Variants in TRAK2 observed in about 807,000 individuals in gnomAD.
TRAK2 encodes trafficking kinesin protein 2, also known as trafficking kinesin-binding protein 2.
TRAK2 carries 81 observed loss-of-function variants against 104.6 expected under a neutral mutation model. The observed-to-expected ratio is 0.77, with a 90% CI of 0.65 to 0.93. The LOEUF is 0.93. Among genes scored for constraint, TRAK2 ranks in the 40% least tolerant of loss-of-function variants. The pLI, the probability that TRAK2 is intolerant of heterozygous loss-of-function variation, is 0.00. For synonymous variants in TRAK2, 406 were observed against 394.4 expected (o/e 1.03, Z -0.35); for missense variants, 1,002 against 1,089.0 (o/e 0.92, Z 1.12).
intron 5 of TRAK2, 72 bp from the exon 6 acceptor site, chr2:201,398,426 A>T: frequency 7.5e-7 from 1 of 1,328,422 alleles, no homozygotes; most frequent in Non-Finnish European, 1.0e-6. Flanking sequence ...CTTCTAATTC[A>T]TGGAACAATT....
intron 6 of TRAK2, chr2:201,397,801 G>T (rs1951515315): frequency 1.8e-6 from 1 of 553,494 alleles, no homozygotes; most frequent in African/African-American, 1.9e-5. Flanking sequence ...CAAGTTCACA[G>T]AATATTGTGA....
intron 5 of TRAK2, among the ~76,000 whole-genome samples, chr2:201,398,620 T>G (rs1297585582): frequency 6.6e-6 from 1 of 152,116 alleles, no homozygotes; most frequent in Non-Finnish European, 1.5e-5. Context: ...TTATTGTATA[T>G]ATATGATAGG....
chr2:201,440,490 G>A (rs1370877636), intron 1 of TRAK2, among the ~76,000 whole-genome samples: 9 of 151,964 alleles, frequency 5.9e-5, no homozygotes, highest in African/African-American at 2.2e-4. Context: ...CTCCTCCTTT[G>A]GCACTGTCAG....
chr2:201,387,614 TC>T, intron 13 of TRAK2, 88 bp downstream of exon 13: 1 of 1,313,346 alleles, frequency 7.6e-7, no homozygotes. Context: ...CACATAATGT[TC>T]CTATAATTAA....
chr2:201,398,259 AG>A lies in TRAK2; in HGVS notation c.575del (p.Ser192LeufsTer43). The A allele has an allele frequency of 1.2e-6, 2 of 1,613,832 alleles. No individual in the cohort carries two copies. Among genetic ancestry groups the A allele is most frequent in the Non-Finnish European group, 1.7e-6 (2 of 1,179,764 alleles). On this transcript the variant is annotated frameshift_variant, in exon 6 of 16. Coordinates refer to ENST00000332624, the MANE Select transcript of TRAK2 (RefSeq NM_015049.3). LOFTEE classifies it high-confidence loss of function. ...SEESETDSSC[S>X]TPLRFNESFS... ...AGGACTCATTGAACCGAAGAGGTGTAGAACAGCTGGAATCAGTTTCACTTTC... is the reference window on the plus strand; with the variant it reads ...AGGACTCATTGAACCGAAGAGGTGTAAACAGCTGGAATCAGTTTCACTTTC...
chr2:201,438,104 A>G (rs957953126), intron 1 of TRAK2, among the ~76,000 whole-genome samples: 1 of 152,232 alleles, frequency 6.6e-6, no homozygotes, highest in African/African-American at 2.4e-5. Flanking sequence ...AGGAGACACC[A>G]CTACCCTGTG....
At chr2:201,384,088 C>T (rs758436675) in intron 15 of TRAK2, 23 bp downstream of exon 15, 1 of 1,490,222 alleles carries the variant, frequency 6.7e-7, no homozygotes, top group Non-Finnish European at 9.2e-7. Flanking sequence ...AAGTGAGGCC[C>T]CAGATTTCCC....
At position 201,387,916 on chromosome 2, in the gene TRAK2, T is replaced by A. The variant is rs371231916; in HGVS notation, c.1483A>T (p.Asn495Tyr). The stretch of plus-strand genomic sequence containing the variant: ...AAGAACTGCTTCTCACTTAAATAGT[T>A]TTGTCGACGCAAGCTAAGGCGATGC... ...ALHRLSLRRQ[N>Y]YLSEKQFFAE... The change falls in exon 13 of 16, where the codon AAC (asparagine) becomes TAC (tyrosine). Residue 495 changes from asparagine (N) to tyrosine (Y), a missense_variant. Coordinates refer to ENST00000332624, the MANE Select transcript of TRAK2 (RefSeq NM_015049.3). The A allele has an allele frequency of 1.1e-5, 18 of 1,613,996 alleles. No individual in the cohort carries two copies. The highest frequency in any genetic ancestry group is 6.7e-5 in the Admixed American group (4 of 59,998).
chr2:201,390,990 C>T (rs1951443354), intron 10 of TRAK2, among the ~76,000 whole-genome samples: 1 of 151,728 alleles, frequency 6.6e-6, no homozygotes, highest in African/African-American at 2.4e-5. Context: ...TATATATACA[C>T]ATATATAGTA....
At chr2:201,428,301 G>A (rs1951808124) in intron 1 of TRAK2, among the ~76,000 whole-genome samples, 1 of 152,126 alleles carries the variant, frequency 6.6e-6, no homozygotes, top group East Asian at 1.9e-4. Context: ...TATGGTTTTA[G>A]GTCTAACATT....
chr2:201,432,115 A>C (rs1951847106), intron 1 of TRAK2, among the ~76,000 whole-genome samples: 1 of 152,232 alleles, frequency 6.6e-6, no homozygotes, highest in South Asian at 2.1e-4. Context: ...TGTTGGGCAC[A>C]ATCTACGGCC....
intron 1 of TRAK2, among the ~76,000 whole-genome samples, chr2:201,437,709 G>A (rs551119797): frequency 1.8e-4 from 23 of 127,080 alleles, no homozygotes; most frequent in African/African-American, 4.4e-4. Flanking sequence ...TTCTCTGTCC[G>A]TGGCCATAGT....
At chr2:201,412,762 G>A (rs1165170119) in intron 2 of TRAK2, 2 of 1,269,840 alleles carry the variant, frequency 1.6e-6, no homozygotes, top group African/African-American at 2.9e-5. Context: ...ATTCAAAATT[G>A]TATTTTCAGG....
At chr2:201,428,484 TGTG>T (rs1398461813) in intron 1 of TRAK2, among the ~76,000 whole-genome samples, 1 of 152,222 alleles carries the variant, frequency 6.6e-6, no homozygotes, top group African/African-American at 2.4e-5. Context: ...GTTGTAGATG[TGTG>T]GTATTATTTT....
intron 1 of TRAK2, among the ~76,000 whole-genome samples, chr2:201,436,153 A>G (rs2125660845): frequency 6.6e-6 from 1 of 151,954 alleles, no homozygotes; most frequent in Non-Finnish European, 1.5e-5. Context: ...TTAAAAAAGG[A>G]AAAAAAACAA....
At chr2:201,389,602 A>C in intron 11 of TRAK2, 99 bp from the exon 12 acceptor site, 1 of 1,215,074 alleles carries the variant, frequency 8.2e-7, no homozygotes, top group East Asian at 2.3e-5. Flanking sequence ...AGCCACCCTG[A>C]GGAGCTATTT....
chr2:201,429,834 G>A (rs949242257), intron 1 of TRAK2, among the ~76,000 whole-genome samples: 39 of 152,260 alleles, frequency 2.6e-4, no homozygotes, highest in Non-Finnish European at 1.5e-4. Context: ...GGAGAAGTTT[G>A]TTATTGCTGT....
chr2:201,410,900 G>A (rs1468022483), intron 2 of TRAK2: 7 of 1,587,764 alleles, frequency 4.4e-6, no homozygotes, highest in Non-Finnish European at 6.0e-6. Context: ...GGCAAAGTGG[G>A]AGGTGTTCCA....
intron 2 of TRAK2, among the ~76,000 whole-genome samples, chr2:201,420,146 G>C (rs1417290886): frequency 1.3e-5 from 2 of 152,116 alleles, no homozygotes; most frequent in Non-Finnish European, 2.9e-5. Flanking sequence ...TTACCCTGTG[G>C]AGATCAGATG....
Sources: allele counts gnomAD v4.1 joint callset (sites outside exome capture counted in the v4.1 genomes callset), GRCh38; gene constraint gnomAD v4.1.1; transcripts MANE v1.5; gene names NCBI Gene and HGNC (gene_info 2026-07-23, HGNC 2026-07-21).